Variants in SGCZ observed in about 807,000 individuals in gnomAD.
SGCZ encodes sarcoglycan zeta.
Under a neutral mutation model 41.3 loss-of-function variants are expected in SGCZ, and 40 were observed. The observed-to-expected ratio is 0.97, with a 90% CI of 0.75 to 1.26. SGCZ has a LOEUF of 1.26. Among genes scored for constraint, SGCZ ranks in the 50% most tolerant of loss-of-function variants. The pLI, the probability that SGCZ is intolerant of heterozygous loss-of-function variation, is 0.00. For synonymous variants in SGCZ, 206 were observed against 137.5 expected (o/e 1.50, Z -3.49); for missense variants, 552 against 369.8 (o/e 1.49, Z -4.04).
intron 1 of SGCZ, among the ~76,000 whole-genome samples, chr8:15,156,943 T>TC (rs1178808765): frequency 9.2e-6 from 1 of 108,284 alleles, no homozygotes; most frequent in Non-Finnish European, 1.8e-5. Context: ...AAACTCTGTC[T>TC]CAAAAAAAAA....
intron 3 of SGCZ, among the ~76,000 whole-genome samples, chr8:14,293,470 A>T (rs1190637665): frequency 6.6e-6 from 1 of 152,028 alleles, no homozygotes; most frequent in East Asian, 1.9e-4. Flanking sequence ...TTTCCCATTA[A>T]CATATAGCAT....
intron 1 of SGCZ, among the ~76,000 whole-genome samples, chr8:14,981,036 C>T (rs1419332361): frequency 6.6e-6 from 1 of 152,158 alleles, no homozygotes; most frequent in Non-Finnish European, 1.5e-5. Context: ...GACTGCCCTA[C>T]TAAATCTTAA....
At chr8:15,197,075 G>C (rs1438169334) in intron 1 of SGCZ, among the ~76,000 whole-genome samples, 1 of 152,220 alleles carries the variant, frequency 6.6e-6, no homozygotes, top group African/African-American at 2.4e-5. Flanking sequence ...GAATCTATTA[G>C]TCAAAGACAC....
chr8:14,529,875 AAC>A (rs1230700177), intron 2 of SGCZ, among the ~76,000 whole-genome samples: 4 of 152,208 alleles, frequency 2.6e-5, no homozygotes, highest in African/African-American at 7.2e-5. Context: ...CATTTGTTGA[AAC>A]ACATTTCTAA....
chr8:14,973,547 T>C (rs959011172), intron 1 of SGCZ, among the ~76,000 whole-genome samples: 2 of 152,266 alleles, frequency 1.3e-5, no homozygotes, highest in South Asian at 4.1e-4. Context: ...GTAATGAATA[T>C]GCATTCTTCT....
intron 3 of SGCZ, among the ~76,000 whole-genome samples, chr8:14,264,594 T>A (rs779543351): frequency 6.6e-6 from 1 of 152,122 alleles, no homozygotes; most frequent in Non-Finnish European, 1.5e-5. Flanking sequence ...CTGGCGATGA[T>A]ACAGAGGCAG....
intron 1 of SGCZ, among the ~76,000 whole-genome samples, chr8:14,923,704 T>C (rs941763432): frequency 6.6e-6 from 1 of 152,222 alleles, no homozygotes; most frequent in Admixed American, 6.5e-5. Context: ...TTGTTGCTGT[T>C]TAGTCAAAAG....
chr8:14,923,296 A>G (rs1421838018), intron 1 of SGCZ, among the ~76,000 whole-genome samples: 1 of 152,156 alleles, frequency 6.6e-6, no homozygotes, highest in Non-Finnish European at 1.5e-5. Context: ...CAATATTTCT[A>G]ATAAGATGGA....
At chr8:14,834,017 A>T (rs1386899004) in intron 1 of SGCZ, among the ~76,000 whole-genome samples, 1 of 152,186 alleles carries the variant, frequency 6.6e-6, no homozygotes, top group African/African-American at 2.4e-5. Context: ...AAATAGTATA[A>T]TTGTGTTCTA....
chr8:14,479,510 T>C (rs1801461293), intron 2 of SGCZ, among the ~76,000 whole-genome samples: 1 of 152,084 alleles, frequency 6.6e-6, no homozygotes, highest in African/African-American at 2.4e-5. Flanking sequence ...GAATAATACT[T>C]TGTATCCTTC....
intron 1 of SGCZ, among the ~76,000 whole-genome samples, chr8:15,105,217 T>G (rs1003118466): frequency 3.3e-5 from 5 of 152,200 alleles, no homozygotes; most frequent in Admixed American, 3.3e-4. Context: ...TTGTAAGTGT[T>G]CTTTGCATAT....
intron 1 of SGCZ, among the ~76,000 whole-genome samples, chr8:14,925,007 G>T (rs1585383723): frequency 1.3e-5 from 2 of 151,998 alleles, no homozygotes; most frequent in African/African-American, 4.8e-5. Context: ...ACAGGTGCGG[G>T]CCTCAATGCC....
chr8:14,093,030 A>T (rs558103217), intron 7 of SGCZ, among the ~76,000 whole-genome samples: 2 of 151,858 alleles, frequency 1.3e-5, no homozygotes, highest in African/African-American at 4.8e-5. Flanking sequence ...TCTGACATGC[A>T]TGGAGAAAGT....
At chr8:14,295,941 C>T (rs1800996583) in intron 3 of SGCZ, among the ~76,000 whole-genome samples, 1 of 152,104 alleles carries the variant, frequency 6.6e-6, no homozygotes, top group Non-Finnish European at 1.5e-5. Flanking sequence ...TGCACAGGGC[C>T]AGTGCTCTGC....
chr8:14,647,009 G>A (rs1807243999), intron 1 of SGCZ, among the ~76,000 whole-genome samples: 1 of 151,878 alleles, frequency 6.6e-6, no homozygotes, highest in Non-Finnish European at 1.5e-5. Context: ...GCTTCCTCAT[G>A]GTCCATAACT....
intron 2 of SGCZ, among the ~76,000 whole-genome samples, chr8:14,474,573 T>TA (rs1255875423): frequency 6.6e-6 from 1 of 151,984 alleles, no homozygotes; most frequent in African/African-American, 2.4e-5. Context: ...ATTTCAAGAA[T>TA]AAAAAAAGAA....
intron 1 of SGCZ, among the ~76,000 whole-genome samples, chr8:14,652,639 A>C (rs949544749): frequency 1.3e-5 from 2 of 152,088 alleles, no homozygotes; most frequent in African/African-American, 4.8e-5. Context: ...TAAAAGTTCA[A>C]AACTATGTGC....
intron 2 of SGCZ, among the ~76,000 whole-genome samples, chr8:14,534,463 A>T (rs1197134855): frequency 6.6e-6 from 1 of 151,894 alleles, no homozygotes; most frequent in Non-Finnish European, 1.5e-5. Context: ...ATTAACCTTC[A>T]CTCTTTCCTT....
At chr8:14,285,233 T>C (rs1800582634) in intron 3 of SGCZ, among the ~76,000 whole-genome samples, 1 of 152,160 alleles carries the variant, frequency 6.6e-6, no homozygotes, top group Non-Finnish European at 1.5e-5. Flanking sequence ...TCATTCATTC[T>C]TCTGGAGGCT....
Sources: allele counts gnomAD v4.1 joint callset (sites outside exome capture counted in the v4.1 genomes callset), GRCh38; gene constraint gnomAD v4.1.1; transcripts MANE v1.5; gene names NCBI Gene and HGNC (gene_info 2026-07-23, HGNC 2026-07-21).